Variants in CYP19A1 observed in about 807,000 individuals in gnomAD.
CYP19A1 encodes cytochrome P450 family 19 subfamily A member 1.
Under a neutral mutation model 44.4 loss-of-function variants are expected in CYP19A1, and 32 were observed. The observed-to-expected ratio is 0.72, with a 90% CI of 0.54 to 0.97. The LOEUF is 0.97. Ranked by LOEUF, CYP19A1 falls within the 50% of genes least tolerant of loss-of-function variation. CYP19A1 has a pLI of 0.00. For missense variants in CYP19A1, 598 were observed against 637.8 expected (o/e 0.94, Z 0.67); for synonymous variants, 212 against 215.6 (o/e 0.98, Z 0.14).
chr15:51,280,942 G>A (rs921971310), intron 1 of CYP19A1, among the ~76,000 whole-genome samples: 1 of 152,188 alleles, frequency 6.6e-6, no homozygotes, highest in African/African-American at 2.4e-5. Flanking sequence ...ACAGCACAGT[G>A]AGAGATGCCA....
chr15:51,294,076 G>C (rs1359582446), intron 1 of CYP19A1, among the ~76,000 whole-genome samples: 4 of 135,494 alleles, frequency 3.0e-5, no homozygotes, highest in Non-Finnish European at 6.0e-5. Flanking sequence ...AGTGAGGAGC[G>C]TCTCTGCCCG....
chr15:51,287,681 G>A (rs987759763), intron 1 of CYP19A1, among the ~76,000 whole-genome samples: 3 of 152,136 alleles, frequency 2.0e-5, no homozygotes, highest in African/African-American at 7.2e-5. Flanking sequence ...CCAACCAGTT[G>A]TTCAGTTAAG....
chr15:51,251,621 C>T (rs2034313841), intron 1 of CYP19A1, among the ~76,000 whole-genome samples: 1 of 152,200 alleles, frequency 6.6e-6, no homozygotes, highest in Admixed American at 6.5e-5. Flanking sequence ...CCTTTTAGGC[C>T]TGGGGTCATC....
intron 1 of CYP19A1, among the ~76,000 whole-genome samples, chr15:51,245,924 G>A (rs2034033507): frequency 6.6e-6 from 1 of 152,230 alleles, no homozygotes; most frequent in Non-Finnish European, 1.5e-5. Flanking sequence ...TCTGTCTCCA[G>A]AGCCCATGCT....
chr15:51,310,002 G>T (rs1283582973), intron 1 of CYP19A1, among the ~76,000 whole-genome samples: 1 of 152,176 alleles, frequency 6.6e-6, no homozygotes, highest in Non-Finnish European at 1.5e-5. Context: ...AAAACTTGGA[G>T]CCATAGACTC....
chr15:51,253,346 G>A (rs1290667580), intron 1 of CYP19A1, among the ~76,000 whole-genome samples: 3 of 152,228 alleles, frequency 2.0e-5, no homozygotes, highest in African/African-American at 4.8e-5. Context: ...TTGGACTGGA[G>A]TTGTGCCCTC....
intron 3 of CYP19A1, among the ~76,000 whole-genome samples, chr15:51,235,812 A>G (rs2033356807): frequency 6.6e-6 from 1 of 152,228 alleles, no homozygotes; most frequent in African/African-American, 2.4e-5. Flanking sequence ...GAATAATTCT[A>G]ACAAATTGGT....
At chr15:51,321,715 C>T (rs934898666) in intron 1 of CYP19A1, 1 of 152,250 alleles carries the variant, frequency 6.6e-6, no homozygotes, top group African/African-American at 2.4e-5. Context: ...TCTGCATCCT[C>T]CCAGAGTGGC....
intron 1 of CYP19A1, among the ~76,000 whole-genome samples, chr15:51,278,400 A>G (rs999683689): frequency 1.2e-4 from 18 of 152,152 alleles, no homozygotes; most frequent in Non-Finnish European, 2.9e-5. Context: ...GGAGTTACAT[A>G]GTTGCTGGGC....
intron 1 of CYP19A1, chr15:51,293,829 G>C (rs978872971): frequency 5.5e-6 from 1 of 181,130 alleles, no homozygotes; most frequent in Admixed American, 6.3e-5. Context: ...AAGGTGCCGG[G>C]ATTGCAGACG....
chr15:51,253,490 T>C (rs1391947412), intron 1 of CYP19A1, among the ~76,000 whole-genome samples: 1 of 152,134 alleles, frequency 6.6e-6, no homozygotes, highest in Admixed American at 6.5e-5. Flanking sequence ...TAGGGGATCA[T>C]GTGAGAGCCA....
At chr15:51,248,530 G>A (rs372232477) in intron 1 of CYP19A1, among the ~76,000 whole-genome samples, 9 of 152,190 alleles carry the variant, frequency 5.9e-5, no homozygotes, top group African/African-American at 1.7e-4. Flanking sequence ...CTGAGTGGAT[G>A]TATGTTTGTA....
chr15:51,262,841 G>A (rs1277503624), intron 1 of CYP19A1, among the ~76,000 whole-genome samples: 3 of 152,162 alleles, frequency 2.0e-5, no homozygotes, highest in African/African-American at 4.8e-5. Context: ...TGACATTGAA[G>A]CTGACTCAAC....
At chr15:51,246,010 C>A (rs2034037358) in intron 1 of CYP19A1, among the ~76,000 whole-genome samples, 1 of 152,246 alleles carries the variant, frequency 6.6e-6, no homozygotes. Context: ...TTTATGTTCA[C>A]TCCTGGGCTA....
intron 1 of CYP19A1, among the ~76,000 whole-genome samples, chr15:51,290,455 T>C (rs1414799428): frequency 1.3e-5 from 2 of 152,226 alleles, no homozygotes; most frequent in Non-Finnish European, 2.9e-5. Flanking sequence ...AGGTCTTCCA[T>C]GAACTGGCTA....
At chr15:51,291,831 A>G (rs962706687) in intron 1 of CYP19A1, among the ~76,000 whole-genome samples, 3 of 152,256 alleles carry the variant, frequency 2.0e-5, no homozygotes, top group African/African-American at 7.2e-5. Context: ...CTAATGAAGA[A>G]GCAGAAAAGC....
chr15:51,257,849 G>A (rs1026193832), intron 1 of CYP19A1, among the ~76,000 whole-genome samples: 2 of 152,142 alleles, frequency 1.3e-5, no homozygotes, highest in African/African-American at 2.4e-5. Context: ...GATCACAATG[G>A]GCATTTTGTG....
intron 2 of CYP19A1, among the ~76,000 whole-genome samples, chr15:51,239,124 C>T (rs1024288227): frequency 7.9e-5 from 12 of 152,172 alleles, no homozygotes; most frequent in African/African-American, 1.4e-4. Context: ...TTAAGCTGAT[C>T]GTTGCTTCTC....
chr15:51,319,612 C>T (rs1404030172), intron 1 of CYP19A1, among the ~76,000 whole-genome samples: 3 of 152,212 alleles, frequency 2.0e-5, no homozygotes, highest in African/African-American at 7.2e-5. Flanking sequence ...TTACTGAAGG[C>T]TTGTTTCTTC....
Sources: allele counts gnomAD v4.1 joint callset (sites outside exome capture counted in the v4.1 genomes callset), GRCh38; gene constraint gnomAD v4.1.1; transcripts MANE v1.5; gene names NCBI Gene and HGNC (gene_info 2026-07-23, HGNC 2026-07-21).